Variants in MCC observed in about 807,000 individuals in gnomAD.
MCC encodes colorectal mutant cancer protein.
A neutral mutation model predicts 116.2 loss-of-function variants in MCC; 90 were observed. The ratio of observed to expected loss-of-function variants is 0.77; its 90% CI spans 0.65 to 0.92. The LOEUF is 0.92. Ranked by LOEUF, MCC falls within the 40% of genes least tolerant of loss-of-function variation. The pLI, the probability that MCC is intolerant of heterozygous loss-of-function variation, is 0.00. For missense variants in MCC, 1,516 were observed against 1,312.2 expected, an observed-to-expected ratio of 1.16 and a Z score of -2.40; for synonymous variants, 578 against 510.5, an observed-to-expected ratio of 1.13 and a Z score of -1.78.
chr5:113,039,715 C>CG (rs1000340624), intron 17 of MCC, among the ~76,000 whole-genome samples: 11 of 139,198 alleles, frequency 7.9e-5, no homozygotes, highest in African/African-American at 2.9e-4. Context: ...CTCCGCGCCC[C>CG]CCCCCCCAAC....
intron 11 of MCC, among the ~76,000 whole-genome samples, chr5:113,071,982 G>C (rs1754073579): frequency 6.6e-6 from 1 of 152,214 alleles, no homozygotes; most frequent in Admixed American, 6.5e-5. Flanking sequence ...AGTTTTACAA[G>C]ATTCAGAACT....
chr5:113,475,964 A>G (rs1772224474), intron 1 of MCC, among the ~76,000 whole-genome samples: 1 of 152,210 alleles, frequency 6.6e-6, no homozygotes, highest in African/African-American at 2.4e-5. Flanking sequence ...GCATGGTCTG[A>G]TTGTAAACTA....
chr5:113,144,880 G>A (rs964375124), intron 4 of MCC, among the ~76,000 whole-genome samples: 4 of 152,106 alleles, frequency 2.6e-5, no homozygotes, highest in Non-Finnish European at 4.4e-5. Context: ...TCCACTCCAG[G>A]TCAAGCACAC....
intron 5 of MCC, among the ~76,000 whole-genome samples, chr5:113,132,407 C>CATATATAT (rs1267813272): frequency 1.6e-5 from 1 of 62,552 alleles, no homozygotes; most frequent in African/African-American, 3.6e-5. Context: ...TACATACATA[C>CATATATAT]ATATATATAT....
intron 4 of MCC, among the ~76,000 whole-genome samples, chr5:113,149,243 A>G (rs775496842): frequency 2.0e-5 from 3 of 152,098 alleles, no homozygotes; most frequent in African/African-American, 4.8e-5. Flanking sequence ...TTCTCTTAAA[A>G]AAAAAACACT....
intron 3 of MCC, among the ~76,000 whole-genome samples, chr5:113,288,495 C>T (rs1477257870): frequency 2.6e-5 from 4 of 152,130 alleles, no homozygotes; most frequent in Non-Finnish European, 4.4e-5. Context: ...TATTCCTTAT[C>T]GACGAATCTG....
intron 3 of MCC, among the ~76,000 whole-genome samples, chr5:113,191,430 G>A (rs1762145818): frequency 6.6e-6 from 1 of 152,176 alleles, no homozygotes; most frequent in African/African-American, 2.4e-5. Flanking sequence ...ACTGGCCCTG[G>A]AGGCCCATCC....
intron 6 of MCC, among the ~76,000 whole-genome samples, chr5:113,110,914 A>T (rs945607174): frequency 2.0e-5 from 3 of 152,222 alleles, no homozygotes; most frequent in Admixed American, 2.0e-4. Context: ...CCAGCTTCTC[A>T]ACCACAGCCA....
intron 1 of MCC, among the ~76,000 whole-genome samples, chr5:113,447,914 G>A (rs1183202781): frequency 6.6e-6 from 1 of 152,134 alleles, no homozygotes; most frequent in Non-Finnish European, 1.5e-5. Flanking sequence ...CTGGAAGCAA[G>A]ACAGCAAAAT....
chr5:113,365,883 C>G (rs910587797), intron 2 of MCC, among the ~76,000 whole-genome samples: 17 of 152,178 alleles, frequency 1.1e-4, no homozygotes, highest in African/African-American at 4.8e-5. Flanking sequence ...TGAGAACTCA[C>G]TCACTATACA....
At chr5:113,443,848 G>A (rs1771123365) in intron 1 of MCC, among the ~76,000 whole-genome samples, 1 of 152,084 alleles carries the variant, frequency 6.6e-6, no homozygotes, top group African/African-American at 2.4e-5. Context: ...TATTGAGATG[G>A]AGTCTTGCTT....
At chr5:113,071,426 AAAAAATAAGCCCCCTGGTT>A (rs1754034108) in intron 11 of MCC, among the ~76,000 whole-genome samples, 192 bp from the exon 12 acceptor site, 2 of 152,336 alleles carry the variant, frequency 1.3e-5, no homozygotes, top group African/African-American at 2.4e-5. Context: ...AATTACAAAT[AAAAAATAAGCCCCCTGGTT>A]AAAAATAAGC....
rs1451807848 is a variant in MCC at position 113,027,125 on chromosome 5, A to G, written c.*177T>C. The G allele has an allele frequency of 1.9e-5, 12 of 628,890 alleles. No homozygotes were observed. The South Asian group carries it at 2.0e-4, about 10-fold the overall frequency. The allele number at this position is 628,890 out of a possible 1,614,324, so 39.0% of individuals were successfully genotyped here. ...CGGGCACCTCTGGATACAGTCCACA[A>G]TGTCACCATGGCCAGTCGCCCCAAG... is the stretch of plus-strand genomic sequence containing the variant. On this transcript the variant is annotated 3_prime_UTR_variant, in exon 19 of 19. Coordinates refer to ENST00000408903, the MANE Select transcript of MCC (RefSeq NM_001085377.2).
At chr5:113,062,315 G>C (rs896772157) in intron 14 of MCC, among the ~76,000 whole-genome samples, 1 of 152,214 alleles carries the variant, frequency 6.6e-6, no homozygotes, top group African/African-American at 2.4e-5. Context: ...AGGCTAACCT[G>C]TAAGTTCAAG....
chr5:113,419,357 C>CT, intron 1 of MCC, among the ~76,000 whole-genome samples: 1 of 142,374 alleles, frequency 7.0e-6, no homozygotes, highest in African/African-American at 2.7e-5. Flanking sequence ...TATTCTTCTT[C>CT]TTTTTTTCTT....
chr5:113,340,553 G>A lies in MCC; in HGVS notation c.593C>T (p.Ser198Phe), dbSNP rs775305402. Residue 198 changes from serine (S) to phenylalanine (F), a missense_variant, in exon 3 of 19, where the codon TCT becomes TTT. By Grantham distance (155) the Ser-to-Phe change is radical. Coordinates refer to ENST00000408903, the MANE Select transcript of MCC (RefSeq NM_001085377.2). ...CAGCTCTAGATAGCTTCCTCCTACA[G>A]AGTTGCCAATGTGCGGGGACTGTGT... is the stretch of plus-strand genomic sequence containing the variant. ...LLTQSPHIGN[S>F]VGGSYLELAN... is the part of the protein sequence containing the mutation. 1.9e-6 allele frequency: 3 copies of A among 1,614,176 alleles called. No individual in the cohort carries two copies. The South Asian group carries it at 3.3e-5, about 18-fold the overall frequency.
At chr5:113,429,127 C>T (rs560383602) in intron 1 of MCC, among the ~76,000 whole-genome samples, 21 of 152,230 alleles carry the variant, frequency 1.4e-4, no homozygotes, top group Non-Finnish European at 3.1e-4. Flanking sequence ...GAATTGTGTT[C>T]CCCTTCCCAA....
At chr5:113,448,159 A>G (rs567379112) in intron 1 of MCC, 2 of 152,376 alleles carry the variant, frequency 1.3e-5, no homozygotes, top group South Asian at 4.1e-4. Context: ...TTTAGATTCC[A>G]AAAGTTTTTA....
intron 3 of MCC, among the ~76,000 whole-genome samples, chr5:113,181,959 A>G (rs1207460828): frequency 1.3e-5 from 2 of 152,102 alleles, no homozygotes; most frequent in African/African-American, 4.8e-5. Context: ...TTATCTGCTC[A>G]TCAGCATCAC....
Sources: gnomAD v4.1 joint callset for allele counts (sites outside exome capture counted in the v4.1 genomes callset) on GRCh38, gnomAD v4.1.1 for gene constraint, MANE v1.5 for transcripts, NCBI Gene and HGNC (gene_info 2026-07-23, HGNC 2026-07-21) for gene names.